Variants in CEP162 observed in about 807,000 individuals in gnomAD.
CEP162 encodes centrosomal protein 162.
Under a neutral mutation model 169.2 loss-of-function variants are expected in CEP162, and 141 were observed. The ratio of observed to expected loss-of-function variants is 0.83; its 90% confidence interval spans 0.73 to 0.96. The LOEUF (loss-of-function observed/expected upper bound fraction) is 0.96. Ranked by LOEUF, CEP162 falls within the 40% of genes least tolerant of loss-of-function variation. CEP162 has a pLI of 0.00. For missense variants in CEP162, 1,600 were observed against 1,587.2 expected, an observed-to-expected ratio of 1.01 and a Z score of -0.14; for synonymous variants, 540 against 526.4, an observed-to-expected ratio of 1.03 and a Z score of -0.35.
chr6:84,161,530 G>A (rs2129209291), intron 20 of CEP162, among the ~76,000 whole-genome samples: 1 of 152,256 alleles, frequency 6.6e-6, no homozygotes, highest in Middle Eastern at 3.4e-3. Context: ...GGCAGGGTTT[G>A]GACCCCATGG....
intron 25 of CEP162, among the ~76,000 whole-genome samples, chr6:84,130,148 A>G (rs951403322): frequency 6.6e-6 from 1 of 151,782 alleles, no homozygotes; most frequent in Admixed American, 6.6e-5. Flanking sequence ...GTTTTATGTG[A>G]TGGATTATGT....
At chr6:84,222,775 C>A (rs1190054920) in intron 2 of CEP162, among the ~76,000 whole-genome samples, 1 of 146,664 alleles carries the variant, frequency 6.8e-6, no homozygotes, top group African/African-American at 2.5e-5. Flanking sequence ...CGCGCGTGCA[C>A]ACACACACAC....
At chr6:84,146,522 C>T (rs2099518932) in intron 25 of CEP162, among the ~76,000 whole-genome samples, 165 bp downstream of exon 25, 1 of 152,030 alleles carries the variant, frequency 6.6e-6, no homozygotes. Flanking sequence ...CTGAACTTCA[C>T]CTGGGGAAAG....
intron 5 of CEP162, among the ~76,000 whole-genome samples, chr6:84,213,745 A>C (rs1406664278): frequency 6.6e-6 from 1 of 152,180 alleles, no homozygotes; most frequent in Non-Finnish European, 1.5e-5. Context: ...GAATACTGTT[A>C]AGAAATAAGA....
At chr6:84,189,411 G>A (rs925460176) in intron 11 of CEP162, among the ~76,000 whole-genome samples, 7 of 152,196 alleles carry the variant, frequency 4.6e-5, no homozygotes, top group Non-Finnish European at 7.4e-5. Flanking sequence ...CGGCGCTTGC[G>A]GGCCAGCTGG....
Position 84,207,278 on chromosome 6 carries a change from T to C in CEP162, c.572-3182A>G, listed in dbSNP as rs150032625. On this transcript the variant is annotated intron_variant, in intron 6 of 26. Transcript: ENST00000403245. ...AAAGACATATGCACATGTATGTTTA[T>C]TGTGGCACTGTTCACAATAGCAAAG... 3.2e-3 allele frequency among the ~76,000 whole-genome samples: 488 copies of C among 152,326 alleles called. 3 individuals are homozygous for C. Among genetic ancestry groups the C allele is most frequent in the African/African-American group, 0.011 (448 of 41,588 alleles).
At chr6:84,191,564 ATATAACCCTGTCTTTTTAAT>A (rs1211795490) in intron 11 of CEP162, among the ~76,000 whole-genome samples, 1 of 152,170 alleles carries the variant, frequency 6.6e-6, no homozygotes, top group Non-Finnish European at 1.5e-5. Context: ...GTGAGGAAGT[ATATAACCCTGTCTTTTTAAT>A]TATAACCCTG....
In CEP162 at chr6:84,185,363, G is replaced by A; in HGVS notation, c.1487C>T (p.Pro496Leu). Residue 496 changes from proline (P) to leucine (L), a missense_variant, in exon 13 of 27, where the codon CCT (proline) becomes CTT (leucine). Physicochemically the swap from Pro to Leu is moderately conservative, Grantham distance 98 (BLOSUM62 -3). Transcript: ENST00000403245. ...VPYKKARSAP[P>L]LLKRKPQSGL... The stretch of plus-strand genomic sequence containing the variant: ...ACTCTGGGGTTTCCTTTTAAGTAAA[G>A]GAGGTGCACTTCTGGCCTTCTTGTA... 6.2e-7 allele frequency: 1 copy of A among 1,613,596 alleles called. No homozygotes were observed. Among genetic ancestry groups the A allele is most frequent in the Non-Finnish European group, 8.5e-7 (1 of 1,179,630 alleles).
chr6:84,198,231 C>T (rs1303893611), intron 9 of CEP162, among the ~76,000 whole-genome samples: 1 of 152,050 alleles, frequency 6.6e-6, no homozygotes, highest in Non-Finnish European at 1.5e-5. Context: ...AAACCTAGTT[C>T]ACATACTCAT....
Position 84,125,200 on chromosome 6 carries a change from A to T in CEP162, c.4082T>A (p.Leu1361Ter). The T allele has an allele frequency of 6.2e-7, 1 of 1,613,622 alleles. No homozygotes were observed. Among genetic ancestry groups the T allele is most frequent in the Non-Finnish European group, 8.5e-7 (1 of 1,179,700 alleles). Residue 1361 changes from leucine (L) to a stop codon, truncating the protein, a stop_gained, in exon 27 of 27, where the codon TTA becomes TAA. Coordinates refer to ENST00000403245, the MANE Select transcript of CEP162 (RefSeq NM_014895.4). LOFTEE classifies it high-confidence loss of function. ...GAACTTCTCCAGCTCACGATTCTTTAACTGTGCCAGTCTTTTCCATTTTTC... is the reference window on the plus strand; with the variant it reads ...GAACTTCTCCAGCTCACGATTCTTTTACTGTGCCAGTCTTTTCCATTTTTC... ...EVEKWKRLAQ[L>*]KNRELEKFRT...
Position 84,219,485 on chromosome 6 carries a change from T to A in CEP162, c.172+1572A>T, listed in dbSNP as rs183985353. Among the ~76,000 whole-genome samples the A allele has an allele frequency of 2.0e-5, 3 of 152,340 alleles. No homozygotes were observed. The East Asian group carries it at 5.8e-4, about 29-fold the overall frequency. On this transcript the variant is annotated intron_variant, in intron 3 of 26. Coordinates refer to ENST00000403245, the MANE Select transcript of CEP162 (RefSeq NM_014895.4). Reference sequence around the variant, plus strand: ...TTAGGTTGTATATATCTGCTCTGATTCATTATCTTCTAGACAAAAGGCTTT... The same window carrying A: ...TTAGGTTGTATATATCTGCTCTGATACATTATCTTCTAGACAAAAGGCTTT...
Position 84,175,300 on chromosome 6 carries a change from G to C in CEP162, c.1711C>G (p.Pro571Ala), listed in dbSNP as rs977334205. Reference sequence around the variant, plus strand: ...AGGCAACTTTCAGTTTTGTGAGCTGGTTTATCCAAAGCTGCAGGCTTGATG... The same window carrying C: ...AGGCAACTTTCAGTTTTGTGAGCTGCTTTATCCAAAGCTGCAGGCTTGATG... ...KLIKPAALDK[P>A]AHKTESCLST... The change falls in exon 14 of 27, where the codon CCA (proline) becomes GCA (alanine). Residue 571 changes from proline (P) to alanine (A), a missense_variant. Transcript: ENST00000403245. The C allele has an allele frequency of 1.0e-5, 16 of 1,546,728 alleles. No individual in the cohort carries two copies. Among genetic ancestry groups the C allele is most frequent in the Admixed American group, 6.0e-5 (3 of 50,360 alleles).
At chr6:84,155,272 T>C in intron 22 of CEP162, 26 bp downstream of exon 22, 2 of 1,579,970 alleles carry the variant, frequency 1.3e-6, no homozygotes, top group Non-Finnish European at 1.7e-6. Context: ...CTCTGACCTT[T>C]ATCTCTGAGG....
chr6:84,211,404 T>G (rs1231033133), intron 6 of CEP162, among the ~76,000 whole-genome samples: 2 of 151,276 alleles, frequency 1.3e-5, no homozygotes, highest in African/African-American at 2.4e-5. Context: ...GGTGGGTGCC[T>G]GTATCCCAGC....
intron 6 of CEP162, among the ~76,000 whole-genome samples, chr6:84,204,320 A>G (rs1461165857): frequency 6.6e-6 from 1 of 152,202 alleles, no homozygotes; most frequent in East Asian, 1.9e-4. Context: ...TTGACCACAT[A>G]GTTGCAAGTA....
At chr6:84,196,725 C>T (rs2099542313) in intron 9 of CEP162, among the ~76,000 whole-genome samples, 1 of 151,986 alleles carries the variant, frequency 6.6e-6, no homozygotes. Context: ...CCTGTATATA[C>T]AATGTAAGTT....
At chr6:84,210,845 T>G (rs950806422) in intron 6 of CEP162, among the ~76,000 whole-genome samples, 1 of 152,004 alleles carries the variant, frequency 6.6e-6, no homozygotes, top group Non-Finnish European at 1.5e-5. Flanking sequence ...GCCTTAGCAG[T>G]AGGGTTAGAG....
Position 84,146,698 on chromosome 6 carries a change from G to A in CEP162, c.3859C>T (p.Leu1287=), listed in dbSNP as rs370171466. 1.3e-6 allele frequency: 2 copies of A among 1,553,882 alleles called. No individual in the cohort carries two copies. Among genetic ancestry groups the A allele is most frequent in the Middle Eastern group, 1.7e-4 (1 of 5,898 alleles). ...LVVSEVREEI[L]QKEITKLLEE... is the part of the protein sequence containing the mutation. ...TGGCCATTTCTTACCTCTTTCTGTA[G>A]AATTTCTTCTCGAACTTCAGAAACT... Residue 1287 remains leucine, a synonymous_variant, in exon 25 of 27, where the codon CTA becomes TTA. Coordinates refer to ENST00000403245, the MANE Select transcript of CEP162 (RefSeq NM_014895.4).
intron 15 of CEP162, 81 bp from the exon 16 acceptor site, chr6:84,174,269 T>A: frequency 9.0e-7 from 1 of 1,108,590 alleles, no homozygotes; most frequent in Non-Finnish European, 1.3e-6. Context: ...AGGAAACTCC[T>A]ATTTAGATCG....
Sources: gnomAD v4.1 joint callset for allele counts (sites outside exome capture counted in the v4.1 genomes callset) on GRCh38, gnomAD v4.1.1 for gene constraint, MANE v1.5 for transcripts, NCBI Gene and HGNC (gene_info 2026-07-23, HGNC 2026-07-21) for gene names.